The following CSMD1 variants were observed in gnomAD, a reference collection of about 807,000 sequenced individuals.
The protein encoded by CSMD1 is CUB and Sushi multiple domains 1.
Under a neutral mutation model 417.5 loss-of-function variants are expected in CSMD1, and 213 were observed. That is an observed-to-expected ratio of 0.51 (90% CI 0.46 to 0.57). The LOEUF (loss-of-function observed/expected upper bound fraction) is 0.57, where lower values mean the gene tolerates loss of function less well. Among genes scored for constraint, CSMD1 ranks in the 20% least tolerant of loss-of-function variants. CSMD1 has a pLI of 0.00. For synonymous variants in CSMD1, 2,862 were observed against 1,736.8 expected, an observed-to-expected ratio of 1.65 and a Z score of -16.11; for missense variants, 6,923 against 4,529.7, an observed-to-expected ratio of 1.53 and a Z score of -15.17.
intron 1 of CSMD1, among the ~76,000 whole-genome samples, chr8:4,859,857 C>A (rs1481468341): frequency 6.6e-6 from 1 of 152,094 alleles, no homozygotes; most frequent in Non-Finnish European, 1.5e-5. Context: ...TGTGGCGATT[C>A]CTCAGGGATG....
intron 2 of CSMD1, among the ~76,000 whole-genome samples, chr8:4,431,590 C>A (rs571935985): frequency 7.2e-5 from 11 of 152,188 alleles, no homozygotes; most frequent in African/African-American, 2.6e-4. Context: ...TCTGAGGCTA[C>A]CTCTTTGTGG....
intron 1 of CSMD1, among the ~76,000 whole-genome samples, chr8:4,686,718 A>T (rs563044559): frequency 6.6e-6 from 1 of 152,302 alleles, no homozygotes; most frequent in South Asian, 2.1e-4. Flanking sequence ...GTAGGCTTTT[A>T]ACTATTTTGT....
intron 51 of CSMD1, 103 bp downstream of exon 51, chr8:3,029,216 T>C: frequency 1.2e-6 from 1 of 850,624 alleles, no homozygotes. Context: ...TCTATAGGAC[T>C]ATGGTAGATG....
At chr8:3,657,455 T>C (rs1007553603) in intron 7 of CSMD1, among the ~76,000 whole-genome samples, 5 of 152,052 alleles carry the variant, frequency 3.3e-5, no homozygotes, top group Admixed American at 3.3e-4. Flanking sequence ...CAAATGCCCA[T>C]CAATGATAGA....
intron 2 of CSMD1, among the ~76,000 whole-genome samples, chr8:4,617,364 T>G (rs1801528774): frequency 6.6e-6 from 1 of 152,198 alleles, no homozygotes; most frequent in Non-Finnish European, 1.5e-5. Flanking sequence ...ACAGAGCTGA[T>G]TACAACCTCA....
At chr8:4,131,521 T>G (rs191412440) in intron 3 of CSMD1, among the ~76,000 whole-genome samples, 3 of 152,142 alleles carry the variant, frequency 2.0e-5, no homozygotes, top group African/African-American at 7.2e-5. Context: ...AACATTATGT[T>G]TAATATCAAC....
chr8:4,208,087 T>A (rs983555224), intron 3 of CSMD1, among the ~76,000 whole-genome samples: 9 of 152,296 alleles, frequency 5.9e-5, no homozygotes, highest in Non-Finnish European at 7.4e-5. Flanking sequence ...ACTATCTATT[T>A]AATGCAATAT....
intron 1 of CSMD1, among the ~76,000 whole-genome samples, chr8:4,918,657 C>G (rs1421463117): frequency 6.6e-6 from 1 of 152,088 alleles, no homozygotes; most frequent in Non-Finnish European, 1.5e-5. Flanking sequence ...CTTTCTTGAC[C>G]CAATCTCACT....
intron 7 of CSMD1, among the ~76,000 whole-genome samples, chr8:3,653,345 G>C (rs1487192396): frequency 6.6e-6 from 1 of 152,084 alleles, no homozygotes; most frequent in Non-Finnish European, 1.5e-5. Flanking sequence ...ATTCACTTTT[G>C]TTGTCCGGGC....
chr8:3,451,847 G>A (rs1054443020), intron 12 of CSMD1, among the ~76,000 whole-genome samples: 41 of 152,178 alleles, frequency 2.7e-4, no homozygotes, highest in Admixed American at 7.2e-4. Flanking sequence ...TTCCAATTAC[G>A]TGAAGAAAGT....
chr8:4,854,913 C>A (rs1416721284), intron 1 of CSMD1, among the ~76,000 whole-genome samples: 4 of 152,202 alleles, frequency 2.6e-5, no homozygotes, highest in Admixed American at 2.6e-4. Context: ...GAGCCCAGCA[C>A]AGCTCAAGGA....
chr8:4,900,943 G>C (rs922316247), intron 1 of CSMD1, among the ~76,000 whole-genome samples: 4 of 152,222 alleles, frequency 2.6e-5, no homozygotes, highest in Non-Finnish European at 5.9e-5. Context: ...GCCCAGCACA[G>C]TGCGGCCACA....
chr8:4,596,289 A>G (rs996069146), intron 2 of CSMD1, among the ~76,000 whole-genome samples: 8 of 152,198 alleles, frequency 5.3e-5, no homozygotes, highest in Non-Finnish European at 1.0e-4. Flanking sequence ...CAAGGGAGAG[A>G]TGCTTAACCC....
intron 3 of CSMD1, among the ~76,000 whole-genome samples, chr8:4,059,137 C>G (rs1798843440): frequency 1.3e-5 from 2 of 152,184 alleles, no homozygotes; most frequent in East Asian, 3.9e-4. Flanking sequence ...GATTAAGAAA[C>G]TCACTCAGAA....
chr8:3,158,306 G>A (rs1351681789), intron 38 of CSMD1, among the ~76,000 whole-genome samples: 1 of 151,796 alleles, frequency 6.6e-6, no homozygotes, highest in East Asian at 1.9e-4. Context: ...AGAATTTACA[G>A]CTTTTGGCCT....
At chr8:3,996,367 G>T (rs140898824) in intron 5 of CSMD1, among the ~76,000 whole-genome samples, 13 of 152,266 alleles carry the variant, frequency 8.5e-5, no homozygotes, top group African/African-American at 2.9e-4. Flanking sequence ...CTAGGAAGAG[G>T]TGAGATCACT....
rs139772802 is a variant in CSMD1 at position 3,361,235 on chromosome 8, A to T, written c.3116-1895T>A. Among the ~76,000 whole-genome samples, 504 of 152,286 alleles carry T rather than the reference A, an allele frequency of 3.3e-3. 2 individuals carry two copies. Among genetic ancestry groups the T allele is most frequent in the South Asian group, 5.8e-3 (28 of 4,828 alleles). On this transcript the variant is annotated intron_variant, in intron 20 of 69. Transcript: ENST00000635120. The stretch of plus-strand genomic sequence containing the variant: ...TTAAAATAAAGATGTCACAATTCAG[A>T]TAATATTATCACATACCTTGCTGTT...
intron 3 of CSMD1, among the ~76,000 whole-genome samples, chr8:4,390,703 C>A (rs368314985): frequency 6.6e-6 from 1 of 151,572 alleles, no homozygotes; most frequent in Non-Finnish European, 1.5e-5. Flanking sequence ...TCAGTAGAGA[C>A]GGGGTTTCAC....
chr8:4,227,695 C>G (rs928937161), intron 3 of CSMD1, among the ~76,000 whole-genome samples: 1 of 151,980 alleles, frequency 6.6e-6, no homozygotes, highest in African/African-American at 2.4e-5. Flanking sequence ...ACATTAAACC[C>G]CACACCTGGA....
Sources: gnomAD v4.1 joint callset for allele counts (sites outside exome capture counted in the v4.1 genomes callset) on GRCh38, gnomAD v4.1.1 for gene constraint, MANE v1.5 for transcripts, NCBI Gene and HGNC (gene_info 2026-07-23, HGNC 2026-07-21) for gene names.